SLC16A2: variants seen among roughly 807,000 people sequenced by gnomAD.
SLC16A2 encodes monocarboxylate transporter 8.
A neutral mutation model predicts 27.2 loss-of-function variants in SLC16A2; 3 were observed. The observed-to-expected ratio is 0.11, with a 90% CI of 0.05 to 0.28. The LOEUF is 0.28. Ranked by LOEUF, SLC16A2 falls within the 10% of genes least tolerant of loss-of-function variation. SLC16A2 has a pLI of 1.00. For synonymous variants in SLC16A2, 202 were observed against 187.8 expected (o/e 1.08, Z -0.62); for missense variants, 295 against 458.5 (o/e 0.64, Z 3.26).
At chrX:74,520,949 T>C (rs768223568) in intron 1 of SLC16A2, 41 bp from the exon 2 acceptor site, 17 of 1,204,827 alleles carry the variant, frequency 1.4e-5, no homozygotes, top group African/African-American at 3.5e-5. Context: ...CACCAGGCAC[T>C]ACACTAAGCT....
intron 3 of SLC16A2, 135 bp downstream of exon 3, chrX:74,524,944 G>A (rs554908593): frequency 1.7e-6 from 1 of 582,340 alleles, no homozygotes; most frequent in South Asian, 2.5e-5. Flanking sequence ...ACAAAATATT[G>A]GTTGGAGAGA....
At chrX:74,478,746 T>C (rs1404648150) in intron 1 of SLC16A2, among the ~76,000 whole-genome samples, 1 of 111,249 alleles carries the variant, frequency 9.0e-6, no homozygotes, top group Non-Finnish European at 1.9e-5. Context: ...TTATGAAGCT[T>C]AGTTTGGCTG....
chrX:74,463,693 A>AT (rs1437740267), intron 1 of SLC16A2, among the ~76,000 whole-genome samples: 1 of 110,304 alleles, frequency 9.1e-6, no homozygotes, highest in Non-Finnish European at 1.9e-5. Flanking sequence ...TACCCGGCTA[A>AT]TTTTTTTGTA....
intron 1 of SLC16A2, among the ~76,000 whole-genome samples, chrX:74,498,336 A>T (rs1465973516): frequency 9.0e-6 from 1 of 111,238 alleles, no homozygotes; most frequent in Non-Finnish European, 1.9e-5. Flanking sequence ...AGACTTTTAC[A>T]TTCTGACAAT....
chrX:74,451,701 T>C (rs780951097), intron 1 of SLC16A2, among the ~76,000 whole-genome samples: 18 of 112,724 alleles, frequency 1.6e-4, no homozygotes, highest in African/African-American at 4.2e-4. Flanking sequence ...GAAGGAAGTG[T>C]GTACATGAGG....
At chrX:74,525,247 A>G (rs1930471493) in intron 3 of SLC16A2, among the ~76,000 whole-genome samples, 1 of 111,981 alleles carries the variant, frequency 8.9e-6, no homozygotes, top group Non-Finnish European at 1.9e-5. Flanking sequence ...AAATTGTAGG[A>G]AAGAAACCCA....
At chrX:74,513,977 T>C (rs1930274736) in intron 1 of SLC16A2, among the ~76,000 whole-genome samples, 1 of 111,920 alleles carries the variant, frequency 8.9e-6, no homozygotes, top group Non-Finnish European at 1.9e-5. Context: ...AATAAATTAA[T>C]ATAACATGTG....
chrX:74,528,833 C>T (rs1032660540), intron 4 of SLC16A2, among the ~76,000 whole-genome samples: 7 of 111,902 alleles, frequency 6.3e-5, no homozygotes, highest in African/African-American at 2.0e-4. Flanking sequence ...GATCTGAGAA[C>T]ACCGGTATGG....
At chrX:74,468,243 T>C (rs1024194023) in intron 1 of SLC16A2, among the ~76,000 whole-genome samples, 1 of 111,534 alleles carries the variant, frequency 9.0e-6, no homozygotes, top group Non-Finnish European at 1.9e-5. Context: ...ATGTACGCTT[T>C]AGGCATCCCT....
chrX:74,522,446 C>A (rs1930421532), intron 2 of SLC16A2, among the ~76,000 whole-genome samples: 1 of 111,292 alleles, frequency 9.0e-6, no homozygotes, highest in South Asian at 3.9e-4. Flanking sequence ...CTCAGCACTC[C>A]CAGGGCAGCA....
intron 1 of SLC16A2, among the ~76,000 whole-genome samples, chrX:74,432,117 T>A (rs780379561): frequency 2.1e-4 from 24 of 111,745 alleles, no homozygotes; most frequent in Non-Finnish European, 4.3e-4. Flanking sequence ...AGTCAAGGAC[T>A]GAGTTTTTTT....
At chrX:74,445,292 G>A (rs1168196833) in intron 1 of SLC16A2, among the ~76,000 whole-genome samples, 3 of 110,901 alleles carry the variant, frequency 2.7e-5, no homozygotes, top group Non-Finnish European at 5.7e-5. Context: ...CAGTCTCCAC[G>A]AATCAAATAA....
chrX:74,490,526 G>C (rs1280616338), intron 1 of SLC16A2, among the ~76,000 whole-genome samples: 1 of 111,026 alleles, frequency 9.0e-6, no homozygotes. Context: ...GCCCCTCCAG[G>C]AGGGCTCAAA....
chrX:74,473,966 A>C (rs898972395), intron 1 of SLC16A2: 1 of 315,645 alleles, frequency 3.2e-6, no homozygotes, highest in Non-Finnish European at 5.8e-6. Flanking sequence ...TGGCAGAGTG[A>C]AGACAGACTT....
chrX:74,429,293 C>T, intron 1 of SLC16A2, among the ~76,000 whole-genome samples: 1 of 111,242 alleles, frequency 9.0e-6, no homozygotes, highest in Non-Finnish European at 1.9e-5. Flanking sequence ...CATAGGGATA[C>T]CCCGTCTCTA....
chrX:74,437,476 T>C (rs1928649198), intron 1 of SLC16A2, among the ~76,000 whole-genome samples: 1 of 112,049 alleles, frequency 8.9e-6, no homozygotes, highest in Non-Finnish European at 1.9e-5. Flanking sequence ...ACCCTACACA[T>C]CTTGGCCAGG....
chrX:74,480,940 AT>A (rs1396007340), intron 1 of SLC16A2, among the ~76,000 whole-genome samples: 1 of 112,410 alleles, frequency 8.9e-6, no homozygotes, highest in African/African-American at 3.2e-5. Flanking sequence ...TTGTGAAAGA[AT>A]GTTATATTTT....
intron 1 of SLC16A2, among the ~76,000 whole-genome samples, chrX:74,452,187 G>A (rs146942380): frequency 8.9e-6 from 1 of 112,364 alleles, no homozygotes; most frequent in Admixed American, 9.4e-5. Flanking sequence ...CCAATTGCCA[G>A]TGTACTCTCT....
intron 1 of SLC16A2, among the ~76,000 whole-genome samples, chrX:74,497,880 A>G (rs1929964423): frequency 9.1e-6 from 1 of 109,561 alleles, no homozygotes; most frequent in Non-Finnish European, 1.9e-5. Context: ...AGGGGGAACG[A>G]ATGAGAAAAT....
Sources: gnomAD v4.1 joint callset for allele counts (sites outside exome capture counted in the v4.1 genomes callset) on GRCh38, gnomAD v4.1.1 for gene constraint, MANE v1.5 for transcripts, NCBI Gene and HGNC (gene_info 2026-07-23, HGNC 2026-07-21) for gene names.